KIAA0825: variants seen among roughly 807,000 people sequenced by gnomAD.
KIAA0825 encodes uncharacterized protein KIAA0825.
Under a neutral mutation model 147.6 loss-of-function variants are expected in KIAA0825, and 119 were observed. That is an observed-to-expected ratio of 0.81 (90% confidence interval 0.69 to 0.94). The LOEUF is 0.94. KIAA0825 is among the 40% of genes least tolerant of loss of function. The probability of loss-of-function intolerance (pLI) is 0.00; values close to 1 mark genes in which losing one functional copy is unlikely to be tolerated. For synonymous variants in KIAA0825, 470 were observed against 518.1 expected (o/e 0.91, Z 1.26); for missense variants, 1,381 against 1,472.7 (o/e 0.94, Z 1.02).
At chr5:94,262,897 C>T (rs1168030741) in intron 20 of KIAA0825, among the ~76,000 whole-genome samples, 4 of 152,012 alleles carry the variant, frequency 2.6e-5, no homozygotes, top group Admixed American at 2.0e-4. Context: ...CTTTGTGCCC[C>T]TCAAAGGGAG....
chr5:94,569,723 G>A (rs1401809195), intron 2 of KIAA0825: 3 of 297,478 alleles, frequency 1.0e-5, no homozygotes, highest in African/African-American at 2.2e-5. Context: ...TGCTTCAACC[G>A]CCTTCTCATC....
intron 20 of KIAA0825, among the ~76,000 whole-genome samples, chr5:94,263,553 T>C (rs1215919071): frequency 1.3e-5 from 2 of 152,180 alleles, no homozygotes; most frequent in Non-Finnish European, 2.9e-5. Context: ...CCTGAGTGTA[T>C]GTTTTAGTCC....
At chr5:94,573,497 C>A (rs1310919928) in intron 2 of KIAA0825, among the ~76,000 whole-genome samples, 1 of 152,100 alleles carries the variant, frequency 6.6e-6, no homozygotes, top group Non-Finnish European at 1.5e-5. Flanking sequence ...GTCTCAAATT[C>A]CTGACCTCAA....
At chr5:94,349,912 G>GA (rs1401601347) in intron 20 of KIAA0825, among the ~76,000 whole-genome samples, 1 of 151,900 alleles carries the variant, frequency 6.6e-6, no homozygotes, top group Non-Finnish European at 1.5e-5. Context: ...AAACCCAGCA[G>GA]AAAAAGGAAA....
At chr5:94,202,346 G>C (rs1771775581) in intron 20 of KIAA0825, among the ~76,000 whole-genome samples, 2 of 152,160 alleles carry the variant, frequency 1.3e-5, no homozygotes, top group Non-Finnish European at 2.9e-5. Flanking sequence ...TATTGTATTT[G>C]AGGGACATGA....
intron 20 of KIAA0825, among the ~76,000 whole-genome samples, chr5:94,350,007 A>G (rs1347306153): frequency 1.3e-5 from 2 of 152,176 alleles, no homozygotes; most frequent in African/African-American, 4.8e-5. Flanking sequence ...CTTTGAAAAG[A>G]TAAATAAAAT....
chr5:94,407,699 T>C (rs553836866), intron 15 of KIAA0825, among the ~76,000 whole-genome samples: 4 of 152,292 alleles, frequency 2.6e-5, no homozygotes, highest in South Asian at 4.1e-4. Flanking sequence ...GAACTGTTAA[T>C]GGGTACAGGG....
chr5:94,484,705 G>T, intron 6 of KIAA0825, 64 bp downstream of exon 6: 2 of 1,114,008 alleles, frequency 1.8e-6, no homozygotes, highest in Non-Finnish European at 2.4e-6. Context: ...TTCATTCAAA[G>T]CAGCAGGAAG....
intron 14 of KIAA0825, among the ~76,000 whole-genome samples, chr5:94,432,016 T>C (rs1273919611): frequency 6.6e-6 from 1 of 152,206 alleles, no homozygotes; most frequent in Non-Finnish European, 1.5e-5. Flanking sequence ...ATCAGTTCTG[T>C]ATGTGAATAA....
intron 20 of KIAA0825, among the ~76,000 whole-genome samples, chr5:94,361,095 C>T (rs985029254): frequency 2.6e-5 from 4 of 152,172 alleles, no homozygotes; most frequent in Non-Finnish European, 2.9e-5. Flanking sequence ...AGACATTCAG[C>T]GTAGAAAACA....
At chr5:94,477,423 T>TA (rs1397686065) in intron 6 of KIAA0825, among the ~76,000 whole-genome samples, 1 of 151,852 alleles carries the variant, frequency 6.6e-6, no homozygotes, top group Non-Finnish European at 1.5e-5. Context: ...TCAAGATAGA[T>TA]AGAGTCCTTT....
chr5:94,410,387 G>A (rs545494587), intron 15 of KIAA0825, among the ~76,000 whole-genome samples: 54 of 152,282 alleles, frequency 3.5e-4, no homozygotes, highest in African/African-American at 1.3e-3. Context: ...AAAAGTGGGA[G>A]GGGGAGTGAA....
chr5:94,159,172 T>C (rs1465752503), intron 20 of KIAA0825, among the ~76,000 whole-genome samples: 1 of 152,132 alleles, frequency 6.6e-6, no homozygotes. Flanking sequence ...GGAAAGAGTA[T>C]GGCTCCACCT....
chr5:94,469,685 G>A (rs10068639), intron 10 of KIAA0825, among the ~76,000 whole-genome samples: 22,189 of 152,122 alleles, frequency 0.15, 1,964 homozygotes, highest in Middle Eastern at 0.21. Context: ...AGTTTTCATT[G>A]TATCCCATTA....
intron 20 of KIAA0825, among the ~76,000 whole-genome samples, chr5:94,268,687 C>T (rs913806939): frequency 2.0e-5 from 3 of 152,162 alleles, no homozygotes; most frequent in African/African-American, 7.2e-5. Context: ...TGAGTTACAC[C>T]TGCACAGATA....
At chr5:94,176,703 A>G (rs1769137081) in intron 20 of KIAA0825, among the ~76,000 whole-genome samples, 2 of 152,182 alleles carry the variant, frequency 1.3e-5, no homozygotes, top group South Asian at 4.1e-4. Context: ...AACTATACCC[A>G]AAGAGTACTT....
In KIAA0825 at chr5:94,444,271, A is replaced by G. The variant is rs545172969; in HGVS notation, c.2358-4150T>C. ...GACCATTTAGGATCCCACTAAACCT[A>G]AAGTTATAGCTGCCATCTGGTCATT... On this transcript the variant is annotated intron_variant, in intron 13 of 20. Coordinates refer to ENST00000682413, the MANE Select transcript of KIAA0825 (RefSeq NM_001145678.3). Among the ~76,000 whole-genome samples the G allele has an allele frequency of 8.4e-4, 128 of 152,250 alleles. No individual in the cohort carries two copies. The Middle Eastern group carries it at 0.014, about 16-fold the overall frequency.
chr5:94,474,546 G>T (rs935537746), intron 7 of KIAA0825, among the ~76,000 whole-genome samples: 4 of 151,928 alleles, frequency 2.6e-5, no homozygotes, highest in Non-Finnish European at 5.9e-5. Context: ...TAAAATTACT[G>T]AAATTATGAT....
chr5:94,252,262 G>A (rs1284951710), intron 20 of KIAA0825, among the ~76,000 whole-genome samples: 1 of 151,980 alleles, frequency 6.6e-6, no homozygotes, highest in Non-Finnish European at 1.5e-5. Context: ...GAGGCTGAGT[G>A]TAAAATATTT....
Sources: gnomAD v4.1 joint callset for allele counts (sites outside exome capture counted in the v4.1 genomes callset) on GRCh38, gnomAD v4.1.1 for gene constraint, MANE v1.5 for transcripts, NCBI Gene and HGNC (gene_info 2026-07-23, HGNC 2026-07-21) for gene names.